Variants in SPAG9 observed in about 807,000 individuals in gnomAD.
The protein encoded by SPAG9 is C-Jun-amino-terminal kinase-interacting protein 4.
SPAG9 carries 35 observed loss-of-function variants against 166.5 expected under a neutral mutation model. The ratio of observed to expected loss-of-function variants is 0.21; its 90% CI spans 0.16 to 0.28. The LOEUF is 0.28. Ranked by LOEUF, SPAG9 falls within the 10% of genes least tolerant of loss-of-function variation. SPAG9 has a pLI of 1.00. For missense variants in SPAG9, 1,235 were observed against 1,603.3 expected (o/e 0.77, Z 3.92); for synonymous variants, 534 against 565.5 (o/e 0.94, Z 0.79).
chr17:50,977,076 G>A, intron 27 of SPAG9, 32 bp downstream of exon 27: 3 of 1,288,816 alleles, frequency 2.3e-6, no homozygotes, highest in African/African-American at 2.9e-5. Flanking sequence ...TCTCCTATTT[G>A]TTCCATGGCA....
At chr17:51,079,231 CT>C (rs771648631) in intron 2 of SPAG9, among the ~76,000 whole-genome samples, 3,367 of 140,400 alleles carry the variant, frequency 0.024, 127 homozygotes, top group African/African-American at 0.081. Context: ...GAGCCAATTC[CT>C]TTTTTTTTTT....
intron 1 of SPAG9, among the ~76,000 whole-genome samples, chr17:51,093,254 C>A (rs73346175): frequency 0.023 from 3,439 of 151,862 alleles, 139 homozygotes; most frequent in African/African-American, 0.079. Flanking sequence ...ATAAAAGTAT[C>A]AGTGGTGTTT....
chr17:50,978,452 C>T (rs1206665788), intron 26 of SPAG9, among the ~76,000 whole-genome samples: 1 of 152,158 alleles, frequency 6.6e-6, no homozygotes, highest in African/African-American at 2.4e-5. Context: ...TCCTTTATGA[C>T]ATTTCTAATA....
At chr17:50,971,458 CCTTTT>C (rs1307666397) in intron 28 of SPAG9, among the ~76,000 whole-genome samples, 26 of 140,516 alleles carry the variant, frequency 1.9e-4, no homozygotes, top group Non-Finnish European at 3.8e-4. Context: ...CTTCAAACTA[CCTTTT>C]TTTTTTTTTT....
chr17:51,003,630 G>A (rs2143986823), intron 12 of SPAG9, among the ~76,000 whole-genome samples: 1 of 152,270 alleles, frequency 6.6e-6, no homozygotes, highest in South Asian at 2.1e-4. Flanking sequence ...AAGACCTCAA[G>A]GGAACATGGC....
intron 2 of SPAG9, among the ~76,000 whole-genome samples, chr17:51,058,959 G>A (rs552688417): frequency 7.9e-5 from 12 of 152,178 alleles, no homozygotes; most frequent in African/African-American, 2.6e-4. Flanking sequence ...CCACCCAAAG[G>A]TATTTAAAAC....
rs920878617 is a variant in SPAG9, at chr17:51,001,704, G to C, written c.1607+11C>G. ...ATAGTAGGAAAATAATGGAGCGCTT[G>C]TCATACAAACCGAATCATCTCTGTC... On this transcript the variant is annotated intron_variant, in intron 13 of 29. Transcript: ENST00000262013. 3 of 1,600,664 alleles carry C rather than the reference G, an allele frequency of 1.9e-6. No homozygotes were observed. The highest frequency in any genetic ancestry group is 1.4e-5 in the African/African-American group (1 of 73,926).
intron 1 of SPAG9, among the ~76,000 whole-genome samples, chr17:51,096,657 T>C (rs545428398): frequency 6.6e-6 from 1 of 152,154 alleles, no homozygotes; most frequent in South Asian, 2.1e-4. Flanking sequence ...AATGTGGTAA[T>C]GAAGAATGGA....
At chr17:51,024,435 C>T (rs2046071756) in intron 6 of SPAG9, among the ~76,000 whole-genome samples, 1 of 151,762 alleles carries the variant, frequency 6.6e-6, no homozygotes, top group African/African-American at 2.4e-5. Flanking sequence ...GTTAAGAGTA[C>T]AATACTTTGG....
rs1973727161 is a variant in SPAG9 at position 50,970,780 on chromosome 17, C to T, written c.3777G>A (p.Glu1259=). 6.2e-7 allele frequency: 1 copy of T among 1,614,138 alleles called. No individual in the cohort carries two copies. Residue 1259 remains glutamate, a synonymous_variant, in exon 29 of 30, where the codon GAG becomes GAA. Transcript: ENST00000262013. Reference sequence around the variant, plus strand: ...ACTTCAAGGGCGTCTGACTACCAGGCTCCTGTGCAGATGGCCCTGCTTTGT... The same window carrying T: ...ACTTCAAGGGCGTCTGACTACCAGGTTCCTGTGCAGATGGCCCTGCTTTGT... ...TGDKAGPSAQ[E]PGSQTPLKSM...
intron 5 of SPAG9, among the ~76,000 whole-genome samples, chr17:51,037,683 A>AGTGTG (rs1365192065): frequency 0.022 from 2,218 of 101,910 alleles, 161 homozygotes; most frequent in Non-Finnish European, 0.034. Context: ...ATATATATAT[A>AGTGTG]TAGTGTGTGT....
At chr17:51,051,041 AAAC>A (rs1005979373) in intron 3 of SPAG9, among the ~76,000 whole-genome samples, 4 of 150,792 alleles carry the variant, frequency 2.7e-5, no homozygotes, top group African/African-American at 7.4e-5. Flanking sequence ...AATAAAAAAA[AAAC>A]AAAAAGAAAA....
chr17:51,073,661 T>C (rs145950571), intron 2 of SPAG9, among the ~76,000 whole-genome samples: 221 of 151,902 alleles, frequency 1.5e-3, no homozygotes, highest in Middle Eastern at 6.8e-3. Context: ...ATAAAAACTC[T>C]GAAGAAAATT....
intron 8 of SPAG9, among the ~76,000 whole-genome samples, 167 bp downstream of exon 8, chr17:51,019,992 T>C (rs1041301932): frequency 6.6e-6 from 1 of 152,206 alleles, no homozygotes; most frequent in Non-Finnish European, 1.5e-5. Flanking sequence ...TAACAAAAAA[T>C]TTAAACCATG....
At chr17:51,082,403 A>C (rs946053998) in intron 1 of SPAG9, among the ~76,000 whole-genome samples, 2 of 150,676 alleles carry the variant, frequency 1.3e-5, no homozygotes, top group African/African-American at 2.4e-5. Flanking sequence ...AAAAAAAAAA[A>C]ACCTGTGATA....
At chr17:50,987,492 C>T (rs185882175) in intron 21 of SPAG9, among the ~76,000 whole-genome samples, 3 of 151,480 alleles carry the variant, frequency 2.0e-5, no homozygotes, top group East Asian at 3.9e-4. Flanking sequence ...GGCACACACA[C>T]TATCACACCT....
intron 4 of SPAG9, among the ~76,000 whole-genome samples, chr17:51,044,624 A>G (rs1177660184): frequency 9.2e-5 from 14 of 152,230 alleles, no homozygotes; most frequent in Admixed American, 9.2e-4. Flanking sequence ...CGTGGTGGGT[A>G]CTGAGCTAGA....
At chr17:51,031,831 T>G (rs554329150) in intron 5 of SPAG9, 109 bp from the exon 6 acceptor site, 2 of 807,522 alleles carry the variant, frequency 2.5e-6, no homozygotes, top group South Asian at 2.9e-5. Flanking sequence ...ATTCATCTAT[T>G]ATCTACTGTG....
intron 1 of SPAG9, among the ~76,000 whole-genome samples, chr17:51,116,168 C>T (rs2049282680): frequency 1.3e-5 from 2 of 152,118 alleles, no homozygotes; most frequent in South Asian, 4.1e-4. Flanking sequence ...GCATCAGCCT[C>T]CCCAGTAGCT....
Sources: gnomAD v4.1 joint callset for allele counts (sites outside exome capture counted in the v4.1 genomes callset) on GRCh38, gnomAD v4.1.1 for gene constraint, MANE v1.5 for transcripts, NCBI Gene and HGNC (gene_info 2026-07-23, HGNC 2026-07-21) for gene names.